SMIM31: variants seen among roughly 807,000 people sequenced by gnomAD.
SMIM31 encodes human epithelial cell program regulator.
At chr4:164,783,035 C>G (rs578167378) in intron 2 of SMIM31, among the ~76,000 whole-genome samples, 1 of 150,596 alleles carries the variant, frequency 6.6e-6, no homozygotes, top group African/African-American at 2.4e-5. Flanking sequence ...CTGGCCGACA[C>G]AGTGAAACCC....
At chr4:164,794,993 A>G (rs1400239680) in intron 2 of SMIM31, among the ~76,000 whole-genome samples, 1 of 152,050 alleles carries the variant, frequency 6.6e-6, no homozygotes, top group Non-Finnish European at 1.5e-5. Flanking sequence ...GAAAAGAATA[A>G]CTTTCACTTC....
chr4:164,775,943 T>A (rs1287894265), intron 2 of SMIM31, among the ~76,000 whole-genome samples: 2 of 152,150 alleles, frequency 1.3e-5, no homozygotes, highest in African/African-American at 2.4e-5. Flanking sequence ...TACTTTGCAT[T>A]CTGTTTTGTT....
At chr4:164,778,168 G>A (rs1252823764) in intron 2 of SMIM31, among the ~76,000 whole-genome samples, 3 of 152,156 alleles carry the variant, frequency 2.0e-5, no homozygotes, top group Non-Finnish European at 2.9e-5. Context: ...CAGGAGGATG[G>A]CTTGAGCCCA....
chr4:164,769,864 G>A (rs973215122), intron 1 of SMIM31, among the ~76,000 whole-genome samples: 11 of 152,144 alleles, frequency 7.2e-5, no homozygotes, highest in East Asian at 1.9e-4. Context: ...TTGGTTAGTC[G>A]AGTGTCAGTA....
At chr4:164,789,983 A>G (rs1733079083) in intron 2 of SMIM31, among the ~76,000 whole-genome samples, 1 of 152,176 alleles carries the variant, frequency 6.6e-6, no homozygotes, top group Non-Finnish European at 1.5e-5. Flanking sequence ...AGACCCTAAA[A>G]TACACATTTA....
intron 2 of SMIM31, among the ~76,000 whole-genome samples, chr4:164,775,402 T>C (rs1732868531): frequency 6.6e-6 from 1 of 152,236 alleles, no homozygotes; most frequent in South Asian, 2.1e-4. Context: ...TTTGTCCTTC[T>C]GAAACTAGCC....
At chr4:164,758,735 G>C (rs547870490) in intron 1 of SMIM31, among the ~76,000 whole-genome samples, 2 of 131,054 alleles carry the variant, frequency 1.5e-5, no homozygotes, top group Admixed American at 1.7e-4. Flanking sequence ...CCGGGTTCAC[G>C]CCATTCTCCT....
chr4:164,802,663 C>A lies in SMIM31; in HGVS notation c.*1469C>A, dbSNP rs1733302731. The A allele has an allele frequency of 6.6e-6, 1 of 152,252 alleles. No homozygotes were observed. The highest frequency in any genetic ancestry group is 1.5e-5 in the Non-Finnish European group (1 of 68,054). 9.4% of individuals were successfully genotyped at this position (152,252 alleles called of 1,614,324 possible). On this transcript the variant is annotated 3_prime_UTR_variant, in exon 3 of 3. Transcript: ENST00000507311. ...ATCTCATAAGAATCATAGCTCAGGT[C>A]TCCATTGCCACAGAGTTTCAGTCAT...
chr4:164,792,066 C>T (rs181799043), intron 2 of SMIM31, among the ~76,000 whole-genome samples: 215 of 152,302 alleles, frequency 1.4e-3, no homozygotes, highest in African/African-American at 5.0e-3. Context: ...ATCAGTGCGT[C>T]TCAAAACTTT....
intron 2 of SMIM31, among the ~76,000 whole-genome samples, chr4:164,778,979 G>C (rs74746429): frequency 0.014 from 2,031 of 149,628 alleles, 51 homozygotes; most frequent in African/African-American, 0.047. Flanking sequence ...ATTGAGAATG[G>C]AATCCACTAA....
intron 2 of SMIM31, among the ~76,000 whole-genome samples, chr4:164,780,958 T>C (rs1732941569): frequency 6.6e-6 from 1 of 152,136 alleles, no homozygotes. Context: ...TAGAGGCACA[T>C]GCAACCACAC....
chr4:164,778,243 A>C (rs1451451362), intron 2 of SMIM31, among the ~76,000 whole-genome samples: 1 of 152,214 alleles, frequency 6.6e-6, no homozygotes, highest in African/African-American at 2.4e-5. Flanking sequence ...AAATAAATAA[A>C]TAAACATAAA....
rs563326693 is a variant in SMIM31 at position 164,788,250 on chromosome 4, G to A, written c.113-12841G>A. 3.9e-5 allele frequency among the ~76,000 whole-genome samples: 6 copies of A among 152,170 alleles called. No individual in the cohort carries two copies. In the South Asian group the frequency reaches 8.3e-4, roughly 21 times the overall value. ...TCCCTCTAACCCTTGAGACTCGCTA[G>A]TGCCAATTCTTCTGATCAATAACAC... On this transcript the variant is annotated intron_variant, in intron 2 of 2. Coordinates refer to ENST00000507311, the MANE Select transcript of SMIM31 (RefSeq NM_001352885.1).
At chr4:164,762,028 G>A (rs909615978) in intron 1 of SMIM31, among the ~76,000 whole-genome samples, 4 of 151,962 alleles carry the variant, frequency 2.6e-5, no homozygotes, top group Non-Finnish European at 2.9e-5. Context: ...AGCCAATGTC[G>A]GCAGGAGGGA....
At chr4:164,795,098 A>G (rs1733172273) in intron 2 of SMIM31, among the ~76,000 whole-genome samples, 2 of 152,186 alleles carry the variant, frequency 1.3e-5, no homozygotes, top group Admixed American at 6.5e-5. Flanking sequence ...AAATTTGGCT[A>G]CATAATTGTA....
At chr4:164,797,162 C>T (rs746604127) in intron 2 of SMIM31, among the ~76,000 whole-genome samples, 3 of 152,188 alleles carry the variant, frequency 2.0e-5, no homozygotes, top group African/African-American at 4.8e-5. Context: ...GCTTTACGCT[C>T]ACCACATCAT....
chr4:164,764,191 C>A (rs1035140895), intron 1 of SMIM31, among the ~76,000 whole-genome samples: 1 of 152,142 alleles, frequency 6.6e-6, no homozygotes, highest in Non-Finnish European at 1.5e-5. Flanking sequence ...AACTCACTAT[C>A]ATTGGAGGCA....
chr4:164,773,962 C>A (rs1025470374), intron 2 of SMIM31, among the ~76,000 whole-genome samples: 1 of 151,954 alleles, frequency 6.6e-6, no homozygotes, highest in African/African-American at 2.4e-5. Flanking sequence ...GTCAGGAGAT[C>A]GAGACCATCC....
intron 2 of SMIM31, among the ~76,000 whole-genome samples, chr4:164,789,547 T>C (rs1479590934): frequency 6.6e-6 from 1 of 152,214 alleles, no homozygotes; most frequent in Non-Finnish European, 1.5e-5. Flanking sequence ...ATATTCTCAA[T>C]GCATAATTTT....
Sources: allele counts gnomAD v4.1 joint callset (sites outside exome capture counted in the v4.1 genomes callset), GRCh38; gene constraint gnomAD v4.1.1; transcripts MANE v1.5; gene names NCBI Gene and HGNC (gene_info 2026-07-23, HGNC 2026-07-21).